SEMA6D: variants seen among roughly 807,000 people sequenced by gnomAD.
SEMA6D encodes semaphorin-6D.
SEMA6D carries 35 observed loss-of-function variants against 106.6 expected under a neutral mutation model. The ratio of observed to expected loss-of-function variants is 0.33; its 90% CI spans 0.25 to 0.44. The LOEUF (loss-of-function observed/expected upper bound fraction) is 0.44. Ranked by LOEUF, SEMA6D falls within the 20% of genes least tolerant of loss-of-function variation. The probability of loss-of-function intolerance (pLI) is 1.00; values close to 1 mark genes in which losing one functional copy is unlikely to be tolerated. For missense variants in SEMA6D, 1,185 were observed against 1,345.9 expected (o/e 0.88, Z 1.87); for synonymous variants, 499 against 487.7 (o/e 1.02, Z -0.31).
chr15:47,236,155 A>G (rs1287837105), intron 1 of SEMA6D, among the ~76,000 whole-genome samples: 4 of 152,184 alleles, frequency 2.6e-5, no homozygotes, highest in Non-Finnish European at 5.9e-5. Context: ...GGTTGATTCC[A>G]ATAGTTTTGG....
At chr15:47,438,728 C>T (rs2041796707) in intron 2 of SEMA6D, among the ~76,000 whole-genome samples, 3 of 151,690 alleles carry the variant, frequency 2.0e-5, no homozygotes, top group African/African-American at 7.3e-5. Flanking sequence ...GCACCTGCCC[C>T]TTCCCTGGGT....
chr15:47,707,461 C>T (rs910458101), intron 4 of SEMA6D, among the ~76,000 whole-genome samples: 1 of 152,160 alleles, frequency 6.6e-6, no homozygotes, highest in Admixed American at 6.5e-5. Context: ...AAAGATACCA[C>T]TAAACAGTCA....
chr15:47,366,040 C>G (rs1266636903), intron 1 of SEMA6D, among the ~76,000 whole-genome samples: 1 of 152,142 alleles, frequency 6.6e-6, no homozygotes, highest in Non-Finnish European at 1.5e-5. Context: ...TGACCTGGGT[C>G]AGTTATGAAC....
intron 18 of SEMA6D, 106 bp downstream of exon 18, chr15:47,768,854 C>A: frequency 9.6e-7 from 1 of 1,045,998 alleles, no homozygotes; most frequent in Non-Finnish European, 1.4e-6. Context: ...GGAGCTTCTG[C>A]GGTTGTACCT....
intron 1 of SEMA6D, among the ~76,000 whole-genome samples, chr15:47,363,565 C>T (rs2038894623): frequency 1.3e-5 from 2 of 152,078 alleles, no homozygotes; most frequent in Admixed American, 1.3e-4. Flanking sequence ...AAAACATGAC[C>T]TAGAATACAA....
intron 3 of SEMA6D, among the ~76,000 whole-genome samples, chr15:47,482,314 G>T (rs1463997423): frequency 6.6e-6 from 1 of 152,138 alleles, no homozygotes; most frequent in Non-Finnish European, 1.5e-5. Flanking sequence ...GAAGGGGTTT[G>T]CTACATTAAA....
At chr15:47,196,249 T>A (rs77603112) in intron 1 of SEMA6D, among the ~76,000 whole-genome samples, 1 of 152,136 alleles carries the variant, frequency 6.6e-6, no homozygotes, top group Non-Finnish European at 1.5e-5. Flanking sequence ...AGAACTGTTC[T>A]CAAGGCGTTT....
chr15:47,461,531 G>A (rs1193034957), intron 2 of SEMA6D, among the ~76,000 whole-genome samples: 1 of 151,746 alleles, frequency 6.6e-6, no homozygotes, highest in African/African-American at 2.4e-5. Flanking sequence ...TAAATTTCAT[G>A]GTTATTACAC....
At chr15:47,480,260 A>G (rs2043118070) in intron 3 of SEMA6D, among the ~76,000 whole-genome samples, 1 of 152,006 alleles carries the variant, frequency 6.6e-6, no homozygotes, top group Admixed American at 6.6e-5. Flanking sequence ...TATCTCTTCT[A>G]TCTCCAGATT....
At chr15:47,543,532 T>C (rs1423002428) in intron 3 of SEMA6D, among the ~76,000 whole-genome samples, 1 of 152,178 alleles carries the variant, frequency 6.6e-6, no homozygotes, top group Non-Finnish European at 1.5e-5. Context: ...CTCTTTCCTT[T>C]ATAAATTCCC....
rs1213062410 is a variant in SEMA6D at position 47,315,599 on chromosome 15, TA to T, written c.-238-96791del. On this transcript the variant is annotated intron_variant, in intron 1 of 19. Transcript: ENST00000558014. ...ATTCTGGGTCTTTTGCCTCTCCATA[TA>T]AACTTTATAATTAGTTTGTCAACAT... is the stretch of plus-strand genomic sequence containing the variant. 2.6e-5 allele frequency among the ~76,000 whole-genome samples: 4 copies of T among 152,314 alleles called. No homozygotes were observed. In the East Asian group the frequency reaches 7.7e-4, roughly 29 times the overall value.
intron 3 of SEMA6D, among the ~76,000 whole-genome samples, chr15:47,561,558 G>A (rs1744366865): frequency 6.6e-6 from 1 of 150,812 alleles, no homozygotes. Flanking sequence ...GAAGAATACA[G>A]GATATTTTAA....
At chr15:47,522,646 G>A (rs534339069) in intron 3 of SEMA6D, among the ~76,000 whole-genome samples, 10 of 152,290 alleles carry the variant, frequency 6.6e-5, no homozygotes, top group African/African-American at 1.9e-4. Context: ...TGTTGATGGA[G>A]TCCGCCCACT....
chr15:47,353,720 G>A (rs1431525010), intron 1 of SEMA6D, among the ~76,000 whole-genome samples: 1 of 152,060 alleles, frequency 6.6e-6, no homozygotes, highest in Non-Finnish European at 1.5e-5. Context: ...CACAGCTCCT[G>A]GGGCAATGCC....
intron 3 of SEMA6D, among the ~76,000 whole-genome samples, chr15:47,557,365 T>C (rs1442286869): frequency 6.6e-6 from 1 of 152,218 alleles, no homozygotes; most frequent in Non-Finnish European, 1.5e-5. Flanking sequence ...TTACTATGTA[T>C]TTAATTTGAG....
intron 1 of SEMA6D, among the ~76,000 whole-genome samples, chr15:47,339,709 A>G (rs935019566): frequency 3.3e-5 from 5 of 152,028 alleles, no homozygotes; most frequent in Non-Finnish European, 7.4e-5. Context: ...AAATACAAAA[A>G]TTAGCCGGGT....
chr15:47,474,166 C>A (rs1198165619), intron 3 of SEMA6D, among the ~76,000 whole-genome samples: 1 of 152,126 alleles, frequency 6.6e-6, no homozygotes, highest in Non-Finnish European at 1.5e-5. Context: ...GTCAGCTTGT[C>A]GCCTTGCTTT....
intron 17 of SEMA6D, 30 bp from the exon 18 acceptor site, chr15:47,768,551 A>G (rs373280587): frequency 3.8e-6 from 6 of 1,564,346 alleles, no homozygotes; most frequent in East Asian, 2.3e-5. Flanking sequence ...GACACTATCC[A>G]TATTAATAAA....
chr15:47,577,349 CTTTCTCAAA>C (rs1478060408), intron 3 of SEMA6D, among the ~76,000 whole-genome samples: 1 of 152,224 alleles, frequency 6.6e-6, no homozygotes, highest in Non-Finnish European at 1.5e-5. Flanking sequence ...TGTACCTGGA[CTTTCTCAAA>C]TTTTTCCACA....
Sources: gnomAD v4.1 joint callset for allele counts (sites outside exome capture counted in the v4.1 genomes callset) on GRCh38, gnomAD v4.1.1 for gene constraint, MANE v1.5 for transcripts, NCBI Gene and HGNC (gene_info 2026-07-23, HGNC 2026-07-21) for gene names.